Variants in XDH observed in about 807,000 individuals in gnomAD.
XDH encodes xanthine dehydrogenase/oxidase.
Under a neutral mutation model 156.1 loss-of-function variants are expected in XDH, and 138 were observed. That is an observed-to-expected ratio of 0.88 (90% CI 0.77 to 1.02). XDH has a LOEUF of 1.02. Ranked by LOEUF, XDH falls within the 50% of genes least tolerant of loss-of-function variation. XDH has a pLI of 0.00. For missense variants in XDH, 1,849 were observed against 1,684.9 expected, an observed-to-expected ratio of 1.10 and a Z score of -1.71; for synonymous variants, 669 against 625.7, an observed-to-expected ratio of 1.07 and a Z score of -1.03.
chr2:31,405,997 A>C (rs763410349), intron 1 of XDH, 33 bp from the exon 2 acceptor site: 1 of 1,604,360 alleles, frequency 6.2e-7, no homozygotes, highest in African/African-American at 1.3e-5. Flanking sequence ...AATATATCAT[A>C]GGTATACTTA....
intron 11 of XDH, among the ~76,000 whole-genome samples, chr2:31,382,059 T>C (rs1423000061): frequency 1.3e-5 from 2 of 152,038 alleles, no homozygotes; most frequent in Non-Finnish European, 2.9e-5. Context: ...CTTAGTAAAA[T>C]AGAAGATAAA....
At chr2:31,393,941 CTT>C (rs1023084496) in intron 6 of XDH, among the ~76,000 whole-genome samples, 1 of 151,788 alleles carries the variant, frequency 6.6e-6, no homozygotes, top group African/African-American at 2.4e-5. Context: ...ATTTTTCCCT[CTT>C]GTTTATTTTA....
At chr2:31,336,130 G>T in intron 35 of XDH, 122 bp from the exon 36 acceptor site, 2 of 1,067,906 alleles carry the variant, frequency 1.9e-6, no homozygotes, top group East Asian at 2.4e-5. Flanking sequence ...CCACTCTGCA[G>T]GCCTAGCTGT....
intron 14 of XDH, among the ~76,000 whole-genome samples, 187 bp downstream of exon 14, chr2:31,376,863 ATAG>A (rs45476791): frequency 2.0e-5 from 3 of 150,684 alleles, no homozygotes; most frequent in African/African-American, 4.9e-5. Flanking sequence ...AGTATCGGTA[ATAG>A]TAGTAGTAGC....
rs544583053 is a variant in XDH, at chr2:31,408,989, A to G, written c.43-3025T>C. Among the ~76,000 whole-genome samples the G allele has an allele frequency of 5.9e-5, 9 of 152,364 alleles. No homozygotes were observed. The South Asian group carries it at 1.7e-3, about 28-fold the overall frequency. On this transcript the variant is annotated intron_variant, in intron 1 of 35. Transcript: ENST00000379416. ...ACGAGATCCTGTCATTTGCAACAAC[A>G]TGGATGGATGGAGCTGGAGGTCATT... is the stretch of plus-strand genomic sequence containing the variant.
Position 31,366,078 on chromosome 2 carries a change from G to A in XDH, c.2354C>T (p.Ala785Val). Residue 785 changes from alanine to valine, a missense_variant, in exon 22 of 36, where the codon GCA becomes GTA. Physicochemically the swap from Ala to Val is moderately conservative, Grantham distance 64 (BLOSUM62 0). Coordinates refer to ENST00000379416, the MANE Select transcript of XDH (RefSeq NM_000379.4). Reference sequence around the variant, plus strand: ...CTTCACTCGAACCACAATCCGGTTTGCTGGAACCCCCAACATTTTTGCAAC... The same window carrying A: ...CTTCACTCGAACCACAATCCGGTTTACTGGAACCCCCAACATTTTTGCAAC... ...SFVAKMLGVPANRIVVRVKRM... is the reference protein window; with the variant it reads ...SFVAKMLGVPVNRIVVRVKRM... 6.2e-7 allele frequency: 1 copy of A among 1,614,148 alleles called. No individual in the cohort carries two copies. Among genetic ancestry groups the A allele is most frequent in the Non-Finnish European group, 8.5e-7 (1 of 1,180,046 alleles).
chr2:31,350,306 C>A, intron 24 of XDH, 83 bp from the exon 25 acceptor site: 2 of 1,393,506 alleles, frequency 1.4e-6, no homozygotes, highest in Non-Finnish European at 2.0e-6. Flanking sequence ...AGGGCTGTAT[C>A]CATTGCCTGC....
rs574769053 is a variant in XDH at position 31,392,677 on chromosome 2, C to T, written c.496-4382G>A. Among the ~76,000 whole-genome samples the T allele has an allele frequency of 5.3e-5, 8 of 152,296 alleles. No individual in the cohort carries two copies. The South Asian group carries it at 1.5e-3, about 28-fold the overall frequency. On this transcript the variant is annotated intron_variant, in intron 6 of 35. Coordinates refer to ENST00000379416, the MANE Select transcript of XDH (RefSeq NM_000379.4). The stretch of plus-strand genomic sequence containing the variant: ...TGACCTCGTGATCCGCCCGCCTCAT[C>T]CTCCCAAAGTGCTGGGATTACAGGC...
At chr2:31,369,029 A>C (rs1360763386) in intron 18 of XDH, among the ~76,000 whole-genome samples, 1 of 152,224 alleles carries the variant, frequency 6.6e-6, no homozygotes, top group Non-Finnish European at 1.5e-5. Flanking sequence ...ATGGAGACTC[A>C]GAAGGCAAGG....
chr2:31,369,509 G>C (rs2148770044), intron 18 of XDH, among the ~76,000 whole-genome samples: 1 of 152,230 alleles, frequency 6.6e-6, no homozygotes, highest in Admixed American at 6.5e-5. Flanking sequence ...CCAACAATTA[G>C]TATGCATGTC....
chr2:31,347,228 A>G (rs966740501), intron 29 of XDH, among the ~76,000 whole-genome samples: 2 of 152,192 alleles, frequency 1.3e-5, no homozygotes, highest in African/African-American at 4.8e-5. Flanking sequence ...CCATTGTCCT[A>G]TTGCTAGCTC....
intron 7 of XDH, 132 bp from the exon 8 acceptor site, chr2:31,388,029 C>T (rs1686660110): frequency 2.6e-6 from 3 of 1,167,374 alleles, no homozygotes; most frequent in African/African-American, 1.5e-5. Flanking sequence ...CAGGTAATCC[C>T]TGGGAGGCAG....
At chr2:31,400,467 C>T (rs1348886330) in intron 4 of XDH, among the ~76,000 whole-genome samples, 2 of 152,044 alleles carry the variant, frequency 1.3e-5, no homozygotes, top group East Asian at 1.9e-4. Flanking sequence ...TCTCGATCTC[C>T]CAAAGACCCC....
chr2:31,364,015 G>T (rs1685843760), intron 24 of XDH, 143 bp downstream of exon 24: 2 of 717,632 alleles, frequency 2.8e-6, no homozygotes, highest in East Asian at 5.1e-5. Context: ...GATTAATCGA[G>T]GATGGGAAAC....
intron 3 of XDH, among the ~76,000 whole-genome samples, chr2:31,401,773 T>C (rs570856529): frequency 6.6e-6 from 1 of 152,348 alleles, no homozygotes; most frequent in East Asian, 1.9e-4. Flanking sequence ...CTTTCATTTC[T>C]CTGTGGGGAA....
chr2:31,344,866 A>G lies in XDH; in HGVS notation c.3352-130T>C, dbSNP rs573587749. On this transcript the variant is annotated intron_variant, in intron 30 of 35. Transcript: ENST00000379416. Reference sequence around the variant, plus strand: ...CATTTTACTAGTGACTCCCATTTCCATACCTTACCTTACATTGTCACTGGC... The same window carrying G: ...CATTTTACTAGTGACTCCCATTTCCGTACCTTACCTTACATTGTCACTGGC... 10 of 921,270 alleles carry G rather than the reference A, an allele frequency of 1.1e-5. No individual in the cohort carries two copies. The African/African-American group carries it at 1.1e-4, about 10-fold the overall frequency. The allele number at this position is 921,270 out of a possible 1,614,324, so 57.1% of individuals were successfully genotyped here.
chr2:31,366,744 T>C, intron 21 of XDH, 126 bp downstream of exon 21: 4 of 1,465,500 alleles, frequency 2.7e-6, no homozygotes, highest in East Asian at 2.3e-5. Flanking sequence ...TCCAGGACTA[T>C]GACACTCGAG....
intron 1 of XDH, among the ~76,000 whole-genome samples, chr2:31,409,912 G>A (rs561764635): frequency 4.7e-4 from 71 of 152,284 alleles, no homozygotes; most frequent in African/African-American, 1.7e-3. Flanking sequence ...AATAATTGAA[G>A]TCAGGGTCTC....
intron 14 of XDH, among the ~76,000 whole-genome samples, 177 bp from the exon 15 acceptor site, chr2:31,375,731 A>G (rs1353497797): frequency 6.6e-6 from 1 of 152,226 alleles, no homozygotes; most frequent in African/African-American, 2.4e-5. Flanking sequence ...CTGTTTCCTC[A>G]TCTTCAAAAA....
Sources: allele counts gnomAD v4.1 joint callset (sites outside exome capture counted in the v4.1 genomes callset), GRCh38; gene constraint gnomAD v4.1.1; transcripts MANE v1.5; gene names NCBI Gene and HGNC (gene_info 2026-07-23, HGNC 2026-07-21).